The following CA10 variants were observed in gnomAD, a reference collection of about 807,000 sequenced individuals.
The protein encoded by CA10 is carbonic anhydrase 10 (inactive), also known as carbonic anhydrase-related protein 10.
In CA10, 14 loss-of-function variants were observed where a neutral mutation model predicts 44.2. The ratio of observed to expected loss-of-function variants is 0.32; its 90% confidence interval spans 0.21 to 0.50. The LOEUF is 0.50. CA10 is among the 20% of genes least tolerant of loss of function. The pLI is 0.99. For missense variants in CA10, 350 were observed against 409.7 expected (o/e 0.85, Z 1.26); for synonymous variants, 159 against 141.6 (o/e 1.12, Z -0.87).
At chr17:51,874,964 T>TTTTTC (rs771507952) in intron 3 of CA10, among the ~76,000 whole-genome samples, 7 of 73,310 alleles carry the variant, frequency 9.5e-5, no homozygotes, top group South Asian at 7.9e-4. Flanking sequence ...TTTTTTCTTT[T>TTTTTC]TTTTCTTTTC....
At chr17:51,955,774 C>A (rs1983641918) in intron 2 of CA10, among the ~76,000 whole-genome samples, 1 of 149,492 alleles carries the variant, frequency 6.7e-6, no homozygotes, top group African/African-American at 2.5e-5. Context: ...GGGAGTTGAA[C>A]AATGAGAACA....
At chr17:51,876,304 C>A (rs1980075846) in intron 3 of CA10, among the ~76,000 whole-genome samples, 1 of 149,236 alleles carries the variant, frequency 6.7e-6, no homozygotes. Flanking sequence ...GTAGCTGGGA[C>A]TACAGGTGCA....
intron 1 of CA10, among the ~76,000 whole-genome samples, chr17:52,089,766 C>T (rs1337270962): frequency 6.6e-6 from 1 of 151,900 alleles, no homozygotes; most frequent in East Asian, 1.9e-4. Flanking sequence ...ACTCTCAAAA[C>T]TATAAATTTT....
chr17:51,672,467 C>A (rs955762492), intron 4 of CA10, among the ~76,000 whole-genome samples: 4 of 152,208 alleles, frequency 2.6e-5, no homozygotes, highest in Non-Finnish European at 5.9e-5. Context: ...CTTATTTGAG[C>A]CTCCCAATGA....
intron 3 of CA10, among the ~76,000 whole-genome samples, chr17:51,755,419 A>G (rs1905047707): frequency 6.6e-6 from 1 of 152,256 alleles, no homozygotes; most frequent in Non-Finnish European, 1.5e-5. Flanking sequence ...TCTTACCTTC[A>G]GAAATTCCAA....
chr17:52,083,401 C>T (rs1441177622), intron 1 of CA10, among the ~76,000 whole-genome samples: 2 of 152,208 alleles, frequency 1.3e-5, no homozygotes, highest in Admixed American at 6.5e-5. Context: ...CGAATTATTT[C>T]ATCTCTTTTT....
At chr17:51,792,966 T>A (rs1678715467) in intron 3 of CA10, among the ~76,000 whole-genome samples, 1 of 152,232 alleles carries the variant, frequency 6.6e-6, no homozygotes, top group South Asian at 2.1e-4. Context: ...TGGCCATATT[T>A]AATGCAAGAG....
chr17:52,025,747 A>C (rs1276990946), intron 2 of CA10, among the ~76,000 whole-genome samples: 2 of 152,098 alleles, frequency 1.3e-5, no homozygotes, highest in African/African-American at 4.8e-5. Context: ...ACATGCATAA[A>C]ATACCAGCCT....
intron 4 of CA10, among the ~76,000 whole-genome samples, chr17:51,733,615 G>C (rs951203076): frequency 6.6e-6 from 1 of 152,188 alleles, no homozygotes; most frequent in Non-Finnish European, 1.5e-5. Flanking sequence ...TTGAGTGTTT[G>C]GATGCCCCTG....
At chr17:51,880,587 A>C (rs1483752292) in intron 3 of CA10, among the ~76,000 whole-genome samples, 1 of 152,098 alleles carries the variant, frequency 6.6e-6, no homozygotes, top group Admixed American at 6.5e-5. Context: ...TAGGTGTGAG[A>C]CATTGTGCCC....
chr17:51,906,974 G>A (rs1981582570), intron 3 of CA10, among the ~76,000 whole-genome samples: 1 of 152,114 alleles, frequency 6.6e-6, no homozygotes, highest in Non-Finnish European at 1.5e-5. Context: ...ACCTTGTACA[G>A]TCAGCTTCAC....
chr17:52,111,212 C>T (rs572140682), intron 1 of CA10, among the ~76,000 whole-genome samples: 91 of 152,226 alleles, frequency 6.0e-4, no homozygotes, highest in African/African-American at 1.7e-3. Flanking sequence ...TTATGTATGA[C>T]GCTCACTTAA....
intron 2 of CA10, among the ~76,000 whole-genome samples, chr17:52,032,431 A>C (rs1177420604): frequency 6.6e-6 from 1 of 152,156 alleles, no homozygotes; most frequent in African/African-American, 2.4e-5. Flanking sequence ...ACTCTGACTT[A>C]ATCTAATTAT....
At chr17:51,997,272 G>A (rs139409289) in intron 2 of CA10, among the ~76,000 whole-genome samples, 2,231 of 152,116 alleles carry the variant, frequency 0.015, 24 homozygotes, top group Non-Finnish European at 0.022. Context: ...CATAAGCTTT[G>A]TAATGAGTCA....
intron 3 of CA10, among the ~76,000 whole-genome samples, chr17:51,885,519 G>C (rs1980560086): frequency 6.6e-6 from 1 of 152,106 alleles, no homozygotes; most frequent in Non-Finnish European, 1.5e-5. Context: ...ATATTTCTCT[G>C]TTAAAATCTT....
chr17:51,839,839 GC>G (rs374926082), intron 3 of CA10, among the ~76,000 whole-genome samples: 19 of 152,302 alleles, frequency 1.2e-4, no homozygotes, highest in African/African-American at 4.6e-4. Flanking sequence ...CCAGGAATCA[GC>G]AACACACTGC....
At chr17:51,797,626 C>T (rs1906763928) in intron 3 of CA10, among the ~76,000 whole-genome samples, 1 of 152,074 alleles carries the variant, frequency 6.6e-6, no homozygotes, top group South Asian at 2.1e-4. Flanking sequence ...GAAGCTGAGG[C>T]AGGCGGATCA....
At chr17:51,762,940 C>T (rs1040208971) in intron 3 of CA10, 2 of 152,204 alleles carry the variant, frequency 1.3e-5, no homozygotes, top group African/African-American at 2.4e-5. Flanking sequence ...AGGCAAGCCC[C>T]CACTCTTGGT....
intron 1 of CA10, among the ~76,000 whole-genome samples, chr17:52,154,479 T>C (rs1989763910): frequency 6.6e-6 from 1 of 152,202 alleles, no homozygotes; most frequent in Non-Finnish European, 1.5e-5. Context: ...AAAAATTAAA[T>C]CAGGCAGCTC....
Sources: allele counts gnomAD v4.1 joint callset (sites outside exome capture counted in the v4.1 genomes callset), GRCh38; gene constraint gnomAD v4.1.1; transcripts MANE v1.5; gene names NCBI Gene and HGNC (gene_info 2026-07-23, HGNC 2026-07-21).